The following ATP9B variants were observed in gnomAD, a reference collection of about 807,000 sequenced individuals.
ATP9B encodes ATPase phospholipid transporting 9B.
In ATP9B, 110 loss-of-function variants were observed where a neutral mutation model predicts 146.1. The ratio of observed to expected loss-of-function variants is 0.75; its 90% CI spans 0.65 to 0.88. The LOEUF is 0.88. Among genes scored for constraint, ATP9B ranks in the 40% least tolerant of loss-of-function variants. ATP9B has a pLI of 0.00. For synonymous variants in ATP9B, 604 were observed against 569.7 expected, an observed-to-expected ratio of 1.06 and a Z score of -0.86; for missense variants, 1,499 against 1,496.4, an observed-to-expected ratio of 1.00 and a Z score of -0.03.
chr18:79,266,316 T>C (rs1422688267), intron 12 of ATP9B, among the ~76,000 whole-genome samples: 1 of 152,142 alleles, frequency 6.6e-6, no homozygotes, highest in African/African-American at 2.4e-5. Context: ...ATAAAATTAT[T>C]GACTATCAAT....
At chr18:79,280,657 G>T (rs2096366528) in intron 13 of ATP9B, among the ~76,000 whole-genome samples, 1 of 152,016 alleles carries the variant, frequency 6.6e-6, no homozygotes, top group African/African-American at 2.4e-5. Context: ...GACATATATA[G>T]AGTTACTTAT....
chr18:79,317,478 A>G (rs2096687371), intron 15 of ATP9B, among the ~76,000 whole-genome samples: 1 of 152,232 alleles, frequency 6.6e-6, no homozygotes. Context: ...GAATTTAAAC[A>G]TTGGCAAAAG....
In ATP9B at chr18:79,342,272, G is replaced by C. The variant is rs2096863626; in HGVS notation, c.2288G>C (p.Trp763Ser). Residue 763 changes from tryptophan to serine, a missense_variant, in exon 20 of 30, where the codon TGG (tryptophan) becomes TCG (serine). Transcript: ENST00000426216. ...CCAGTTTAAATTGTTCCCTAGATATGGATGCTAACAGGCGATAAACTCGAG... is the reference window on the plus strand; with the variant it reads ...CCAGTTTAAATTGTTCCCTAGATATCGATGCTAACAGGCGATAAACTCGAG... ...EMLRNAGIKI[W>S]MLTGDKLETA... is the part of the protein sequence containing the mutation. 1 of 1,611,502 alleles carries C rather than the reference G, an allele frequency of 6.2e-7. No homozygotes were observed. The highest frequency in any genetic ancestry group is 8.5e-7 in the Non-Finnish European group (1 of 1,178,002).
At chr18:79,324,035 C>T (rs1469769417) in intron 15 of ATP9B, among the ~76,000 whole-genome samples, 2 of 152,192 alleles carry the variant, frequency 1.3e-5, no homozygotes, top group Non-Finnish European at 1.5e-5. Flanking sequence ...ATTTGCATGT[C>T]TGATGATTAA....
At chr18:79,311,021 A>G (rs1363063623) in intron 15 of ATP9B, among the ~76,000 whole-genome samples, 1 of 152,108 alleles carries the variant, frequency 6.6e-6, no homozygotes, top group South Asian at 2.1e-4. Flanking sequence ...GTGTGGTGGC[A>G]GGCTCCTGTA....
At chr18:79,192,077 G>A (rs1383842363) in intron 8 of ATP9B, among the ~76,000 whole-genome samples, 1 of 152,042 alleles carries the variant, frequency 6.6e-6, no homozygotes, top group Non-Finnish European at 1.5e-5. Context: ...TATAGTTTAG[G>A]GCATGATAGG....
At chr18:79,356,815 G>A (rs2096956581) in intron 25 of ATP9B, among the ~76,000 whole-genome samples, 1 of 143,958 alleles carries the variant, frequency 6.9e-6, no homozygotes, top group Admixed American at 7.0e-5. Flanking sequence ...CTCTGGGTCT[G>A]GAGGTGTCTG....
At chr18:79,219,503 T>C (rs2095658476) in intron 11 of ATP9B, among the ~76,000 whole-genome samples, 1 of 152,012 alleles carries the variant, frequency 6.6e-6, no homozygotes. Context: ...AGAATAAGTT[T>C]AGTGGGCATC....
At chr18:79,202,563 C>T (rs2095498566) in intron 9 of ATP9B, among the ~76,000 whole-genome samples, 1 of 152,162 alleles carries the variant, frequency 6.6e-6, no homozygotes, top group Admixed American at 6.5e-5. Flanking sequence ...CTCCCCCAAG[C>T]AGATTTTATC....
At chr18:79,140,295 T>G (rs9950091) in intron 5 of ATP9B, among the ~76,000 whole-genome samples, 5 of 152,028 alleles carry the variant, frequency 3.3e-5, no homozygotes, top group African/African-American at 1.2e-4. Context: ...GATACAAATA[T>G]GATTATCTTC....
intron 11 of ATP9B, among the ~76,000 whole-genome samples, chr18:79,225,222 T>C (rs919135168): frequency 2.0e-5 from 3 of 152,232 alleles, no homozygotes; most frequent in Admixed American, 1.3e-4. Context: ...TTTAATTTTA[T>C]TTTATTGACA....
intron 13 of ATP9B, among the ~76,000 whole-genome samples, chr18:79,295,066 G>GT (rs2096537605): frequency 6.6e-6 from 1 of 150,970 alleles, no homozygotes; most frequent in African/African-American, 2.4e-5. Context: ...CTATAGGTAC[G>GT]TGTGCGTGCA....
At chr18:79,162,040 A>G (rs538426456) in intron 7 of ATP9B, among the ~76,000 whole-genome samples, 65 of 152,364 alleles carry the variant, frequency 4.3e-4, no homozygotes, top group Non-Finnish European at 7.9e-4. Context: ...GTAGACTACA[A>G]ATGTACTGAA....
intron 25 of ATP9B, among the ~76,000 whole-genome samples, chr18:79,357,631 CCCTGGGTCTGGAGGTGTCT>C (rs2096962556): frequency 2.4e-4 from 1 of 4,202 alleles, no homozygotes. Context: ...GTGAGGGGTG[CCCTGGGTCTGGAGGTGTCT>C]GTGTGAGGGA....
chr18:79,189,658 T>A (rs530365467), intron 8 of ATP9B, among the ~76,000 whole-genome samples: 1 of 152,156 alleles, frequency 6.6e-6, no homozygotes, highest in Non-Finnish European at 1.5e-5. Context: ...AATACACTTA[T>A]ATAGTACAGT....
intron 6 of ATP9B, among the ~76,000 whole-genome samples, chr18:79,152,028 C>T (rs191016241): frequency 1.1e-3 from 175 of 152,236 alleles, no homozygotes; most frequent in African/African-American, 3.6e-3. Flanking sequence ...TATGAACAGA[C>T]GCTTCTCAAA....
intron 19 of ATP9B, among the ~76,000 whole-genome samples, chr18:79,339,672 G>A (rs116993039): frequency 0.022 from 3,394 of 151,004 alleles, 54 homozygotes; most frequent in Middle Eastern, 0.037. Context: ...GTAGTAGGAA[G>A]TGTGTCATGA....
intron 13 of ATP9B, among the ~76,000 whole-genome samples, chr18:79,283,325 C>T (rs1048023410): frequency 2.0e-5 from 3 of 152,152 alleles, no homozygotes. Flanking sequence ...TTGCAGATAT[C>T]TTCCAAGTGC....
intron 2 of ATP9B, among the ~76,000 whole-genome samples, chr18:79,106,707 A>G (rs675475): frequency 0.061 from 9,255 of 152,312 alleles, 363 homozygotes; most frequent in Non-Finnish European, 0.092. Context: ...ATTTACTGGT[A>G]CAGGGTTATA....
Sources: gnomAD v4.1 joint callset for allele counts (sites outside exome capture counted in the v4.1 genomes callset) on GRCh38, gnomAD v4.1.1 for gene constraint, MANE v1.5 for transcripts, NCBI Gene and HGNC (gene_info 2026-07-23, HGNC 2026-07-21) for gene names.